Variants in SIRPB2 observed in about 807,000 individuals in gnomAD.
SIRPB2 encodes signal-regulatory protein beta-2.
Under a neutral mutation model 27.1 loss-of-function variants are expected in SIRPB2, and 18 were observed. That is an observed-to-expected ratio of 0.66 (90% CI 0.46 to 0.98). SIRPB2 has a LOEUF of 0.98. Among genes scored for constraint, SIRPB2 ranks in the 50% least tolerant of loss-of-function variants. SIRPB2 has a pLI of 0.00. For missense variants in SIRPB2, 420 were observed against 417.4 expected, an observed-to-expected ratio of 1.01 and a Z score of -0.06; for synonymous variants, 150 against 164.6, an observed-to-expected ratio of 0.91 and a Z score of 0.68.
intron 3 of SIRPB2, chr20:1,477,928 C>A: frequency 2.1e-6 from 1 of 473,066 alleles, no homozygotes; most frequent in Non-Finnish European, 4.2e-6. Context: ...CCTGCCTTGG[C>A]CTCCCAAAGT....
intron 4 of SIRPB2, chr20:1,476,846 T>G: frequency 1.8e-6 from 2 of 1,116,862 alleles, no homozygotes; most frequent in Non-Finnish European, 2.2e-6. Context: ...CTAGGCACAG[T>G]TCTGGACACC....
chr20:1,484,938 CA>C (rs1365864764), intron 1 of SIRPB2, among the ~76,000 whole-genome samples: 1 of 152,100 alleles, frequency 6.6e-6, no homozygotes, highest in Non-Finnish European at 1.5e-5. Context: ...TCATTCGTAG[CA>C]ACATGAATGA....
Position 1,475,966 on chromosome 20 carries a change from A to G in SIRPB2, c.*201T>C, listed in dbSNP as rs2090602590. 3.4e-6 allele frequency: 2 copies of G among 583,338 alleles called. No individual in the cohort carries two copies. Among genetic ancestry groups the G allele is most frequent in the Non-Finnish European group, 2.9e-6 (1 of 340,490 alleles). 36.1% of individuals were successfully genotyped at this position (583,338 alleles called of 1,614,324 possible). On this transcript the variant is annotated 3_prime_UTR_variant, in exon 5 of 5. Coordinates refer to ENST00000359801, the MANE Select transcript of SIRPB2 (RefSeq NM_001122962.2). ...AAGCAAGGAGGTCTTGAACAGGCCAAAAAGAGAAAGGGAGACATTTTAGAG... is the reference window on the plus strand; with the variant it reads ...AAGCAAGGAGGTCTTGAACAGGCCAGAAAGAGAAAGGGAGACATTTTAGAG...
chr20:1,491,360 G>A lies in SIRPB2; in HGVS notation c.-1C>T. 6.2e-7 allele frequency: 1 copy of A among 1,607,614 alleles called. No homozygotes were observed. The highest frequency in any genetic ancestry group is 2.2e-5 in the East Asian group (1 of 44,492). ...TGGGGGCCGACATCGTGGAGCACATGGCATCTTCTGTGGTCCCCAAGACTT... is the reference window on the plus strand; with the variant it reads ...TGGGGGCCGACATCGTGGAGCACATAGCATCTTCTGTGGTCCCCAAGACTT... On this transcript the variant is annotated 5_prime_UTR_variant, in exon 1 of 5. Transcript: ENST00000359801.
At chr20:1,478,016 A>C (rs1312953104) in intron 3 of SIRPB2, 10 of 634,884 alleles carry the variant, frequency 1.6e-5, no homozygotes, top group South Asian at 3.0e-5. Flanking sequence ...AGTTCTGTGG[A>C]AACCAGAATG....
At chr20:1,483,691 A>C (rs2090696177) in intron 1 of SIRPB2, among the ~76,000 whole-genome samples, 2 of 152,144 alleles carry the variant, frequency 1.3e-5, no homozygotes, top group Non-Finnish European at 2.9e-5. Flanking sequence ...TGTGAATATT[A>C]TCTCTCATTC....
chr20:1,478,276 C>T lies in SIRPB2; in HGVS notation c.783G>A (p.Leu261=), dbSNP rs1416729031. The T allele has an allele frequency of 6.2e-7, 1 of 1,610,226 alleles. No individual in the cohort carries two copies. ...RQYLSGQGTS[L]KVKAKSTSSK... The stretch of plus-strand genomic sequence containing the variant: ...AACCAATTGTCTCACCTTTCACTTT[C>T]AGGCTGGTGCCCTGTCCAGACAGGT... The change falls in exon 3 of 5, where the codon CTG becomes CTA. Residue 261 remains leucine, a synonymous_variant. Coordinates refer to ENST00000359801, the MANE Select transcript of SIRPB2 (RefSeq NM_001122962.2).
intron 1 of SIRPB2, among the ~76,000 whole-genome samples, chr20:1,481,474 C>T (rs565326579): frequency 1.3e-5 from 2 of 152,244 alleles, no homozygotes; most frequent in East Asian, 1.9e-4. Flanking sequence ...CTTTGTACCC[C>T]GAGTTTCCTT....
At chr20:1,486,762 A>T (rs2090730864) in intron 1 of SIRPB2, among the ~76,000 whole-genome samples, 1 of 152,192 alleles carries the variant, frequency 6.6e-6, no homozygotes, top group Non-Finnish European at 1.5e-5. Context: ...CAGAAAAAGC[A>T]GTTTTCAAAC....
rs1344807402 is a variant in SIRPB2, at chr20:1,476,003, G to A, written c.*164C>T. On this transcript the variant is annotated 3_prime_UTR_variant, in exon 5 of 5. Coordinates refer to ENST00000359801, the MANE Select transcript of SIRPB2 (RefSeq NM_001122962.2). ...GAGACATTTTAGAGGGAAGCCCGGT[G>A]CAAAGAAGGGAATTTCACTAGGTGG... 10 of 714,018 alleles carry A rather than the reference G, an allele frequency of 1.4e-5. 1 individual carries two copies. Among genetic ancestry groups the A allele is most frequent in the Non-Finnish European group, 2.0e-5 (9 of 440,382 alleles). 44.2% of individuals were successfully genotyped at this position (714,018 alleles called of 1,614,324 possible).
chr20:1,483,270 C>T (rs1372665313), intron 1 of SIRPB2, among the ~76,000 whole-genome samples: 1 of 152,058 alleles, frequency 6.6e-6, no homozygotes, highest in African/African-American at 2.4e-5. Context: ...CTACACTTGG[C>T]TAATGTTTGT....
At chr20:1,487,978 C>G (rs761741480) in intron 1 of SIRPB2, among the ~76,000 whole-genome samples, 1 of 152,088 alleles carries the variant, frequency 6.6e-6, no homozygotes, top group Non-Finnish European at 1.5e-5. Flanking sequence ...AAATGTTAAA[C>G]GATACAACTT....
chr20:1,476,851 G>A, intron 4 of SIRPB2: 2 of 1,117,362 alleles, frequency 1.8e-6, no homozygotes, highest in Non-Finnish European at 2.2e-6. Context: ...CACAGTTCTG[G>A]ACACCTGGCA....
At position 1,479,820 on chromosome 20, in the gene SIRPB2, A is replaced by C. The variant is rs1324441067; in HGVS notation, c.331T>G (p.Ser111Ala). The change falls in exon 2 of 5, where the codon TCC becomes GCC. Residue 111 changes from serine (S) to alanine (A), a missense_variant. By Grantham distance (99) the Ser-to-Ala change is moderately conservative (BLOSUM62 1). Coordinates refer to ENST00000359801, the MANE Select transcript of SIRPB2 (RefSeq NM_001122962.2). The stretch of plus-strand genomic sequence containing the variant: ...CTGGTGACATTGTGGATATAGATGG[A>C]ATAATCACAATTCAGTGGTTCTGAT... ...RTSEPLNCDY[S>A]IYIHNVTREH... The C allele has an allele frequency of 6.2e-7, 1 of 1,614,232 alleles. No homozygotes were observed.
chr20:1,491,197 G>C (rs903412095), intron 1 of SIRPB2, 78 bp downstream of exon 1: 5 of 1,310,902 alleles, frequency 3.8e-6, no homozygotes, highest in East Asian at 2.5e-5. Flanking sequence ...GCTTCTTCAG[G>C]CATGGCAGAG....
intron 3 of SIRPB2, 24 bp from the exon 4 acceptor site, chr20:1,477,427 A>G (rs1273226908): frequency 1.9e-6 from 3 of 1,598,996 alleles, no homozygotes; most frequent in African/African-American, 2.7e-5. Flanking sequence ...AGGCTTTGTC[A>G]TACTTCCCTT....
chr20:1,472,813 G>A (rs1396349695), downstream of SIRPB2: 7 of 152,080 alleles, frequency 4.6e-5, no homozygotes, highest in African/African-American at 1.2e-4. Context: ...AGGCGTTTAC[G>A]GGGTCTAATA....
At chr20:1,483,764 A>T (rs114629421) in intron 1 of SIRPB2, among the ~76,000 whole-genome samples, 1,648 of 152,280 alleles carry the variant, frequency 0.011, 36 homozygotes, top group African/African-American at 0.038. Flanking sequence ...TTAGTTTAAT[A>T]TAGTCCCATT....
chr20:1,477,183 G>T, intron 4 of SIRPB2, 155 bp downstream of exon 4: 1 of 1,601,026 alleles, frequency 6.2e-7, no homozygotes. Flanking sequence ...GGTTCTCTGG[G>T]GTCCTAGTTC....
Sources: gnomAD v4.1 joint callset for allele counts (sites outside exome capture counted in the v4.1 genomes callset) on GRCh38, gnomAD v4.1.1 for gene constraint, MANE v1.5 for transcripts, NCBI Gene and HGNC (gene_info 2026-07-23, HGNC 2026-07-21) for gene names.